Variants in RNF168 observed in about 807,000 individuals in gnomAD.
The protein encoded by RNF168 is ring finger protein 168, also known as E3 ubiquitin-protein ligase RNF168.
RNF168 carries 34 observed loss-of-function variants against 34.9 expected under a neutral mutation model. That is an observed-to-expected ratio of 0.97 (90% CI 0.74 to 1.30). The LOEUF is 1.30. RNF168 is among the 50% of genes most tolerant of loss of function. RNF168 has a pLI of 0.00. For missense variants in RNF168, 725 were observed against 682.5 expected, an observed-to-expected ratio of 1.06 and a Z score of -0.69; for synonymous variants, 264 against 254.7, an observed-to-expected ratio of 1.04 and a Z score of -0.35.
Position 196,487,696 on chromosome 3 carries a change from C to T in RNF168, c.379-118G>A. ...AAATTGGCAGAAATTTAAATGATCTCAAATGAAGTACAAATCTGGAGAAGT... is the reference window on the plus strand; with the variant it reads ...AAATTGGCAGAAATTTAAATGATCTTAAATGAAGTACAAATCTGGAGAAGT... On this transcript the variant is annotated intron_variant, in intron 2 of 5. Transcript: ENST00000318037. 4 of 951,770 alleles carry T rather than the reference C, an allele frequency of 4.2e-6. No homozygotes were observed. In the South Asian group the frequency reaches 5.5e-5, roughly 13 times the overall value. The allele number at this position is 951,770 out of a possible 1,614,324, so 59.0% of individuals were successfully genotyped here. A position where few individuals can be genotyped will look rare whatever the true frequency, so the allele number is the denominator to read the frequency against.
chr3:196,469,038 T>G lies in RNF168; in HGVS notation c.*2781A>C, dbSNP rs191121223. ...ACTTCTTCACAGAGAATGAGCTGAA[T>G]ATATAAATCCCAAATATATCACACC... On this transcript the variant is annotated 3_prime_UTR_variant, in exon 6 of 6. Coordinates refer to ENST00000318037, the MANE Select transcript of RNF168 (RefSeq NM_152617.4). 2 of 152,318 alleles carry G rather than the reference T, an allele frequency of 1.3e-5. No homozygotes were observed. The highest frequency in any genetic ancestry group is 3.9e-4 in the East Asian group (2 of 5,192). 9.4% of individuals were successfully genotyped at this position (152,318 alleles called of 1,614,324 possible). A position where few individuals can be genotyped will look rare whatever the true frequency, so the allele number is the denominator to read the frequency against.
chr3:196,503,572 G>A lies in RNF168; in HGVS notation c.-399C>T, dbSNP rs1732960117. The A allele has an allele frequency of 8.4e-6, 2 of 238,780 alleles. No individual in the cohort carries two copies. Among genetic ancestry groups the A allele is most frequent in the South Asian group, 4.5e-5 (1 of 22,302 alleles). 14.8% of individuals were successfully genotyped at this position (238,780 alleles called of 1,614,324 possible). The stretch of plus-strand genomic sequence containing the variant: ...GCTCAGCTCGGGGCAGCCGGGCCCC[G>A]GGACGCGGCTCCGGGAGGAAGCCCG... On this transcript the variant is annotated 5_prime_UTR_variant, in exon 1 of 6. Coordinates refer to ENST00000318037, the MANE Select transcript of RNF168 (RefSeq NM_152617.4).
chr3:196,479,534 C>T (rs2108646972), intron 4 of RNF168, among the ~76,000 whole-genome samples: 1 of 152,052 alleles, frequency 6.6e-6, no homozygotes, highest in African/African-American at 2.4e-5. Flanking sequence ...CTCCTAGGCT[C>T]AAGTGATCCA....
chr3:196,502,814 G>T, intron 1 of RNF168, 59 bp downstream of exon 1: 1 of 1,418,110 alleles, frequency 7.1e-7, no homozygotes, highest in South Asian at 1.2e-5. Context: ...GAAAAGTGAT[G>T]ATTCACCTTT....
intron 4 of RNF168, among the ~76,000 whole-genome samples, chr3:196,476,821 C>T (rs1467471697): frequency 2.0e-5 from 3 of 151,458 alleles, no homozygotes; most frequent in African/African-American, 7.3e-5. Flanking sequence ...GATCTTGGCT[C>T]ACTGCAACCT....
intron 3 of RNF168, among the ~76,000 whole-genome samples, chr3:196,484,747 G>T (rs1318075134): frequency 1.3e-5 from 2 of 151,876 alleles, no homozygotes; most frequent in African/African-American, 4.8e-5. Context: ...TCAACCTCCT[G>T]GGCTCAGGCA....
At chr3:196,501,984 AT>A (rs778843302) in intron 1 of RNF168, among the ~76,000 whole-genome samples, 1 of 145,942 alleles carries the variant, frequency 6.9e-6, no homozygotes, top group Non-Finnish European at 1.5e-5. Context: ...TTAAAATGGC[AT>A]TTTTTTACAA....
intron 1 of RNF168, among the ~76,000 whole-genome samples, chr3:196,492,759 CAG>C (rs764399187): frequency 7.9e-5 from 12 of 151,898 alleles, no homozygotes; most frequent in Non-Finnish European, 1.3e-4. Context: ...GCCTGGGTGA[CAG>C]AGAGAGACTC....
rs201343359 is a variant in RNF168 at position 196,472,386 on chromosome 3, C to T, written c.1149G>A (p.Lys383=). 35 of 1,613,876 alleles carry T rather than the reference C, an allele frequency of 2.2e-5. No individual in the cohort carries two copies. Among genetic ancestry groups the T allele is most frequent in the Non-Finnish European group, 2.9e-5 (34 of 1,179,986 alleles). The part of the protein sequence containing the change: ...ENEESCLLIS[K]EISKRKNQES... ...CTTGGTTTTTTCTTTTGGAAATCTC[C>T]TTACTGATCAGTAGGCACGACTCTT... Residue 383 remains lysine, a synonymous_variant, in exon 6 of 6, where the codon AAG becomes AAA. Coordinates refer to ENST00000318037, the MANE Select transcript of RNF168 (RefSeq NM_152617.4).
intron 1 of RNF168, among the ~76,000 whole-genome samples, chr3:196,494,014 G>A (rs1000213161): frequency 9.9e-5 from 15 of 150,862 alleles, no homozygotes; most frequent in Admixed American, 2.0e-4. Context: ...CACCACACCC[G>A]GCTAATTTTT....
intron 4 of RNF168, among the ~76,000 whole-genome samples, chr3:196,475,854 A>T (rs1178021307): frequency 6.9e-6 from 1 of 145,560 alleles, no homozygotes; most frequent in African/African-American, 2.6e-5. Flanking sequence ...CCGGCTAAAT[A>T]TTTTTTTTTC....
intron 1 of RNF168, among the ~76,000 whole-genome samples, chr3:196,495,268 C>T (rs149216328): frequency 2.0e-4 from 30 of 152,214 alleles, no homozygotes; most frequent in African/African-American, 7.0e-4. Context: ...ATAAGAGATG[C>T]TGTCCTTATC....
chr3:196,490,649 A>T lies in RNF168; in HGVS notation c.302-1966T>A, dbSNP rs116834213. 6.7e-3 allele frequency among the ~76,000 whole-genome samples: 1,022 copies of T among 152,360 alleles called. 15 individuals are homozygous for T. Among genetic ancestry groups the T allele is most frequent in the Middle Eastern group, 0.024 (7 of 294 alleles). On this transcript the variant is annotated intron_variant, in intron 1 of 5. Coordinates refer to ENST00000318037, the MANE Select transcript of RNF168 (RefSeq NM_152617.4). ...TCCAGCAATCAAGATGTTAATATGAAATCTTCCAACTTAAATAGTGGCATT... is the reference window on the plus strand; with the variant it reads ...TCCAGCAATCAAGATGTTAATATGATATCTTCCAACTTAAATAGTGGCATT...
intron 1 of RNF168, 116 bp from the exon 2 acceptor site, chr3:196,488,799 C>A: frequency 1.9e-6 from 1 of 525,166 alleles, no homozygotes; most frequent in Non-Finnish European, 3.4e-6. Context: ...GCAGCAATAT[C>A]TCCTTTTGGA....
chr3:196,503,693 G>C lies in RNF168; in HGVS notation c.-520C>G, dbSNP rs9837291. ...TTCGGGCGCCTGGCGCAGTTTCCCAGAGCTCCGCGCCCCCGTCCCTCCTAC... is the reference window on the plus strand; with the variant it reads ...TTCGGGCGCCTGGCGCAGTTTCCCACAGCTCCGCGCCCCCGTCCCTCCTAC... On this transcript the variant is annotated 5_prime_UTR_variant, in exon 1 of 6. Coordinates refer to ENST00000318037, the MANE Select transcript of RNF168 (RefSeq NM_152617.4). The C allele has an allele frequency of 0.57, 106,788 of 186,270 alleles. 31,302 individuals carry two copies. Among genetic ancestry groups the C allele is most frequent in the East Asian group, 0.69 (4,802 of 6,930 alleles). 11.5% of individuals were successfully genotyped at this position (186,270 alleles called of 1,614,324 possible). A position where few individuals can be genotyped will look rare whatever the true frequency, so the allele number is the denominator to read the frequency against.
In RNF168 at chr3:196,503,666, C is replaced by T. The variant is rs1411601993; in HGVS notation, c.-493G>A. ...GGAGACGCGCGACTCCCGTGTTCAC[C>T]TTTCGGGCGCCTGGCGCAGTTTCCC... On this transcript the variant is annotated 5_prime_UTR_variant, in exon 1 of 6. Coordinates refer to ENST00000318037, the MANE Select transcript of RNF168 (RefSeq NM_152617.4). 3.5e-5 allele frequency: 7 copies of T among 199,250 alleles called. No homozygotes were observed. The South Asian group carries it at 4.3e-4, about 12-fold the overall frequency. The allele number at this position is 199,250 out of a possible 1,614,324, so 12.3% of individuals were successfully genotyped here.
rs781638163 is a variant in RNF168 at position 196,472,342 on chromosome 3, A to T, written c.1193T>A (p.Val398Asp). Residue 398 changes from valine (V) to aspartate (D), a missense_variant, in exon 6 of 6, where the codon GTC (valine) becomes GAC (aspartate). By Grantham distance (152) the Val-to-Asp change is radical. Coordinates refer to ENST00000318037, the MANE Select transcript of RNF168 (RefSeq NM_152617.4). ...TTTTGCAGAAAAGCATGGATCCTTG[A>T]CTGCTTCAAAGGAAGATTCTTGGTT... The part of the protein sequence containing the change: ...RKNQESSFEA[V>D]KDPCFSAKRR... The T allele has an allele frequency of 1.2e-6, 2 of 1,614,080 alleles. No individual in the cohort carries two copies. Among genetic ancestry groups the T allele is most frequent in the Non-Finnish European group, 1.7e-6 (2 of 1,179,964 alleles).
intron 3 of RNF168, 110 bp downstream of exon 3, chr3:196,487,289 G>A: frequency 1.0e-6 from 1 of 962,384 alleles, no homozygotes; most frequent in Non-Finnish European, 1.7e-6. Flanking sequence ...GACAATATTT[G>A]TGGGATGCAG....
intron 1 of RNF168, among the ~76,000 whole-genome samples, chr3:196,502,364 A>G (rs1577526511): frequency 6.6e-6 from 1 of 152,094 alleles, no homozygotes; most frequent in South Asian, 2.1e-4. Flanking sequence ...AGGCGGGCGG[A>G]TCCCTTGAGG....
Sources: allele counts gnomAD v4.1 joint callset (sites outside exome capture counted in the v4.1 genomes callset), GRCh38; gene constraint gnomAD v4.1.1; transcripts MANE v1.5; gene names NCBI Gene and HGNC (gene_info 2026-07-23, HGNC 2026-07-21).